The following FAM228B variants were observed in gnomAD, a reference collection of about 807,000 sequenced individuals.
FAM228B encodes family with sequence similarity 228 member B.
FAM228B carries 38 observed loss-of-function variants against 42.6 expected under a neutral mutation model. That is an observed-to-expected ratio of 0.89 (90% CI 0.69 to 1.17). The LOEUF (loss-of-function observed/expected upper bound fraction) is 1.17, where lower values mean the gene tolerates loss of function less well. Among genes scored for constraint, FAM228B ranks in the 50% most tolerant of loss-of-function variants. FAM228B has a pLI of 0.00. For synonymous variants in FAM228B, 109 were observed against 122.3 expected, an observed-to-expected ratio of 0.89 and a Z score of 0.72; for missense variants, 344 against 367.3, an observed-to-expected ratio of 0.94 and a Z score of 0.52.
At chr2:24,087,543 T>A (rs192041708) in intron 2 of FAM228B, among the ~76,000 whole-genome samples, 56 of 152,224 alleles carry the variant, frequency 3.7e-4, no homozygotes, top group Middle Eastern at 3.4e-3. Flanking sequence ...AGCTTCAGGA[T>A]GAGCTGGTCA....
intron 2 of FAM228B, chr2:24,081,068 A>G (rs1000012539): frequency 2.5e-6 from 4 of 1,579,312 alleles, no homozygotes; most frequent in Non-Finnish European, 3.5e-6. Flanking sequence ...TTACTTTGCA[A>G]CTGCTACACA....
At chr2:24,122,989 C>T (rs1252573310), upstream of FAM228B, 1 of 152,904 alleles carries the variant, frequency 6.5e-6, no homozygotes, top group East Asian at 1.9e-4. Flanking sequence ...ACATTCCCTT[C>T]CCGGTGACCT....
At chr2:24,098,888 A>T (rs189718025) in intron 3 of FAM228B, among the ~76,000 whole-genome samples, 11 of 152,344 alleles carry the variant, frequency 7.2e-5, no homozygotes, top group Admixed American at 6.5e-4. Flanking sequence ...CCTCAATAAA[A>T]TACTGGCAAA....
intron 7 of FAM228B, among the ~76,000 whole-genome samples, chr2:24,147,484 CT>C (rs1573775388): frequency 6.6e-6 from 1 of 152,010 alleles, no homozygotes; most frequent in Admixed American, 6.6e-5. Context: ...GTTCTGTCTA[CT>C]TTTTTTCTTC....
chr2:24,146,234 A>T (rs1666890876), intron 5 of FAM228B, among the ~76,000 whole-genome samples: 1 of 152,196 alleles, frequency 6.6e-6, no homozygotes, highest in Non-Finnish European at 1.5e-5. Context: ...GTTGCTGTTC[A>T]TGAATCCTGT....
chr2:24,084,290 C>A lies in FAM228B; in HGVS notation c.-210+3335C>A. ...GCCACCTCCTTCACGTAGAGGTTTT[C>A]CGGTCCTCCCGGCTTGTCAAAGTGC... On this transcript the variant is annotated intron_variant, in intron 2 of 10. Coordinates refer to the FAM228B transcript ENST00000613899. The surrounding 1 kb of genome is among the most constrained non-coding windows in gnomAD (Gnocchi z 8.4). 1 of 1,614,074 alleles carries A rather than the reference C, an allele frequency of 6.2e-7. No homozygotes were observed. The highest frequency in any genetic ancestry group is 1.7e-4 in the Middle Eastern group (1 of 6,056).
At chr2:24,121,849 G>C (rs1250166274), upstream of FAM228B, among the ~76,000 whole-genome samples, 1 of 152,134 alleles carries the variant, frequency 6.6e-6, no homozygotes, top group East Asian at 1.9e-4. Flanking sequence ...CTTCACCTCT[G>C]CCATGAGTGG....
At chr2:24,093,402 T>C (rs1396637777) in intron 2 of FAM228B, among the ~76,000 whole-genome samples, 1 of 152,074 alleles carries the variant, frequency 6.6e-6, no homozygotes, top group Non-Finnish European at 1.5e-5. Flanking sequence ...ACATGCGCTA[T>C]TTGGTTTTCT....
intron 5 of FAM228B, among the ~76,000 whole-genome samples, chr2:24,143,405 A>G (rs1034288305): frequency 8.5e-5 from 13 of 152,156 alleles, no homozygotes; most frequent in Non-Finnish European, 1.5e-4. Flanking sequence ...CGTGTTAGCC[A>G]GGATGGTTTT....
chr2:24,154,609 T>C (rs1228776237), intron 7 of FAM228B, among the ~76,000 whole-genome samples: 5 of 152,238 alleles, frequency 3.3e-5, no homozygotes, highest in Non-Finnish European at 7.3e-5. Flanking sequence ...TCTTTTTTTA[T>C]CTGAGGATGA....
At chr2:24,115,663 CA>C (rs774693910) in intron 3 of FAM228B, 1 of 1,562,782 alleles carries the variant, frequency 6.4e-7, no homozygotes, top group Non-Finnish European at 8.8e-7. Context: ...ATTATCACTA[CA>C]AATGATTCAT....
intron 2 of FAM228B, among the ~76,000 whole-genome samples, chr2:24,125,235 T>G (rs1037212247): frequency 6.6e-6 from 1 of 151,952 alleles, no homozygotes; most frequent in Non-Finnish European, 1.5e-5. Flanking sequence ...CGAACAATAA[T>G]AGCCAGGTGT....
intron 7 of FAM228B, among the ~76,000 whole-genome samples, chr2:24,150,201 T>C (rs1329374243): frequency 1.3e-5 from 2 of 152,208 alleles, no homozygotes; most frequent in Non-Finnish European, 2.9e-5. Flanking sequence ...GAGTTTTGTA[T>C]CTTGAGATGA....
chr2:24,134,931 C>T (rs558284082), intron 2 of FAM228B, among the ~76,000 whole-genome samples, 188 bp from the exon 3 acceptor site: 17 of 152,124 alleles, frequency 1.1e-4, no homozygotes, highest in African/African-American at 2.7e-4. Flanking sequence ...GCAGCCTAGG[C>T]GACAGAACAA....
At chr2:24,145,855 A>C (rs1213909213) in intron 5 of FAM228B, among the ~76,000 whole-genome samples, 1 of 151,598 alleles carries the variant, frequency 6.6e-6, no homozygotes, top group Non-Finnish European at 1.5e-5. Flanking sequence ...CGCCTGGCTA[A>C]ATTTTTTGTA....
chr2:24,099,781 T>A (rs1453445433), intron 3 of FAM228B, among the ~76,000 whole-genome samples: 1 of 152,128 alleles, frequency 6.6e-6, no homozygotes, highest in African/African-American at 2.4e-5. Context: ...AAAGATCATA[T>A]GGAACCAAAA....
Position 24,095,723 on chromosome 2 carries a change from G to A in FAM228B, c.-121+494G>A, listed in dbSNP as rs1459777826. 6.6e-6 allele frequency: 1 copy of A among 152,376 alleles called. No homozygotes were observed. The highest frequency in any genetic ancestry group is 1.5e-5 in the Non-Finnish European group (1 of 68,156). The allele number at this position is 152,376 out of a possible 1,614,324, so 9.4% of individuals were successfully genotyped here. The stretch of plus-strand genomic sequence containing the variant: ...GCAGACAACTTTTGCAGACTTAAAG[G>A]TCCCTGTCTGACAGCTCTGAAGAGA... On this transcript the variant is annotated intron_variant, in intron 3 of 10. Coordinates refer to the FAM228B transcript ENST00000613899. This position sits in a 1 kb window ranked among gnomAD's most constrained non-coding sequence, Gnocchi z 4.8.
intron 2 of FAM228B, among the ~76,000 whole-genome samples, chr2:24,092,195 G>A (rs1397203347): frequency 6.9e-6 from 1 of 145,626 alleles, no homozygotes; most frequent in Admixed American, 6.9e-5. Flanking sequence ...CTCCAGCCTG[G>A]GTGACAGAGT....
At chr2:24,146,630 A>G (rs932388981) in intron 5 of FAM228B, 118 bp from the exon 6 acceptor site, 7 of 605,076 alleles carry the variant, frequency 1.2e-5, no homozygotes, top group African/African-American at 1.8e-5. Context: ...ATTTGTAAAT[A>G]CCATATTATT....
Sources: gnomAD v4.1 joint callset for allele counts (sites outside exome capture counted in the v4.1 genomes callset) on GRCh38, gnomAD v4.1.1 for gene constraint, Gnocchi (gnomAD v3.1) non-coding constraint, MANE v1.5 for transcripts, NCBI Gene and HGNC (gene_info 2026-07-23, HGNC 2026-07-21) for gene names.